The following SARDH variants were observed in gnomAD, a reference collection of about 807,000 sequenced individuals.
SARDH encodes sarcosine dehydrogenase.
A neutral mutation model predicts 109.1 loss-of-function variants in SARDH; 95 were observed. The observed-to-expected ratio is 0.87, with a 90% CI of 0.74 to 1.03. SARDH has a LOEUF of 1.03. Ranked by LOEUF, SARDH falls within the 50% of genes least tolerant of loss-of-function variation. The pLI is 0.00. For missense variants in SARDH, 1,267 were observed against 1,287.8 expected, an observed-to-expected ratio of 0.98 and a Z score of 0.25; for synonymous variants, 572 against 534.8, an observed-to-expected ratio of 1.07 and a Z score of -0.96.
intron 17 of SARDH, among the ~76,000 whole-genome samples, chr9:133,683,080 C>T: frequency 6.6e-6 from 1 of 152,198 alleles, no homozygotes; most frequent in East Asian, 1.9e-4. Context: ...GGGATGTCAT[C>T]CCGGAAGCAG....
Position 133,732,458 on chromosome 9 carries a change from G to A in SARDH, c.475C>T (p.Arg159Trp), listed in dbSNP as rs568846324. Residue 159 changes from arginine (R) to tryptophan (W), a missense_variant, in exon 3 of 21, where the codon CGG becomes TGG. Coordinates refer to ENST00000439388, the MANE Select transcript of SARDH (RefSeq NM_001134707.2). ...QNGGLFIASNRQRLDEYKRLM... is the reference protein window; with the variant it reads ...QNGGLFIASNWQRLDEYKRLM... Reference sequence around the variant, plus strand: ...CTCTTGTACTCGTCCAGGCGCTGCCGGTTGGACGCGATGAAGAGGCCCCCA... The same window carrying A: ...CTCTTGTACTCGTCCAGGCGCTGCCAGTTGGACGCGATGAAGAGGCCCCCA... 27 of 1,552,252 alleles carry A rather than the reference G, an allele frequency of 1.7e-5. No homozygotes were observed. In the Middle Eastern group the frequency reaches 7.0e-4, roughly 40 times the overall value.
chr9:133,738,746 G>C (rs192303890), upstream of SARDH, among the ~76,000 whole-genome samples: 27 of 152,352 alleles, frequency 1.8e-4, no homozygotes. Flanking sequence ...CTGCAGGGAG[G>C]CTCCTTTGGT....
At chr9:133,663,205 A>G (rs1248507925), downstream of SARDH, among the ~76,000 whole-genome samples, 1 of 152,186 alleles carries the variant, frequency 6.6e-6, no homozygotes, top group African/African-American at 2.4e-5. Context: ...AGGAGCTGGC[A>G]CTTCTGTGTG....
At chr9:133,703,539 C>T (rs780174554) in intron 12 of SARDH, 9 of 158,320 alleles carry the variant, frequency 5.7e-5, no homozygotes, top group Non-Finnish European at 1.3e-4. Flanking sequence ...CAGGCAGGTG[C>T]GTGGGCTCCA....
Position 133,730,198 on chromosome 9 carries a change from G to A in SARDH, c.691-11C>T. 2 of 1,614,028 alleles carry A rather than the reference G, an allele frequency of 1.2e-6. No individual in the cohort carries two copies. The highest frequency in any genetic ancestry group is 1.7e-6 in the Non-Finnish European group (2 of 1,179,988). On this transcript the variant is annotated splice_polypyrimidine_tract_variant and intron_variant, in intron 4 of 20. Coordinates refer to ENST00000439388, the MANE Select transcript of SARDH (RefSeq NM_001134707.2). ...GCAGTTCTCAATGACCTGGAATTGA[G>A]AGGAACTGCTTCTAAAATCCCACGG...
chr9:133,687,964 G>A (rs1310225315), intron 16 of SARDH, among the ~76,000 whole-genome samples: 1 of 152,132 alleles, frequency 6.6e-6, no homozygotes, highest in Non-Finnish European at 1.5e-5. Context: ...CCACCGCCTG[G>A]AGCAGCTTAT....
chr9:133,729,440 C>T (rs1026337558), intron 6 of SARDH, among the ~76,000 whole-genome samples: 5 of 152,160 alleles, frequency 3.3e-5, no homozygotes, highest in African/African-American at 1.2e-4. Flanking sequence ...TTCCCCGAAA[C>T]TCCTGGGCAC....
chr9:133,694,501 C>A (rs1831215562), intron 14 of SARDH, 130 bp from the exon 15 acceptor site: 1 of 783,444 alleles, frequency 1.3e-6, no homozygotes, highest in African/African-American at 1.7e-5. Flanking sequence ...AGACAGGATG[C>A]CCTACTGGGA....
chr9:133,664,178 C>A (rs908415533), intron 20 of SARDH, among the ~76,000 whole-genome samples, 164 bp from the exon 21 acceptor site: 1 of 152,228 alleles, frequency 6.6e-6, no homozygotes, highest in Non-Finnish European at 1.5e-5. Context: ...TGCCCCAGAG[C>A]AGGTGCAGTT....
At chr9:133,678,642 G>C (rs1269375064) in intron 17 of SARDH, among the ~76,000 whole-genome samples, 1 of 152,152 alleles carries the variant, frequency 6.6e-6, no homozygotes, top group Non-Finnish European at 1.5e-5. Flanking sequence ...GAGAGGCCAA[G>C]GGGGAGCTGC....
chr9:133,687,920 C>G (rs756406290), intron 16 of SARDH, among the ~76,000 whole-genome samples: 1 of 152,224 alleles, frequency 6.6e-6, no homozygotes, highest in African/African-American at 2.4e-5. Context: ...CAGGAGGCAG[C>G]GAGCTCCTCT....
chr9:133,739,889 A>G (rs1833001029), upstream of SARDH: 1 of 152,340 alleles, frequency 6.6e-6, no homozygotes, highest in Non-Finnish European at 1.5e-5. Context: ...CAGTCACCAC[A>G]GCTCCAGGGC....
intron 13 of SARDH, among the ~76,000 whole-genome samples, chr9:133,701,407 T>G (rs535427694): frequency 6.6e-6 from 1 of 152,362 alleles, no homozygotes; most frequent in African/African-American, 2.4e-5. Context: ...GCTGTACCTT[T>G]GCTGATGCCA....
intron 10 of SARDH, among the ~76,000 whole-genome samples, chr9:133,710,525 G>A (rs1016652754): frequency 1.3e-5 from 2 of 152,248 alleles, no homozygotes; most frequent in Non-Finnish European, 2.9e-5. Flanking sequence ...GATGAAGGAC[G>A]ACCCACGCGT....
rs769022349 is a variant in SARDH, at chr9:133,734,187, C to A, written c.-14G>T. ...CAGTGAGGCCATGGGGGCTCCAGGC[C>A]TCAGCGAAACAGGGAGCTGGGGAGA... On this transcript the variant is annotated 5_prime_UTR_variant, in exon 2 of 21. In the 5' UTR this introduces an upstream ATG that the reference lacks. Transcript: ENST00000439388. 3 of 1,550,898 alleles carry A rather than the reference C, an allele frequency of 1.9e-6. No individual in the cohort carries two copies. Among genetic ancestry groups the A allele is most frequent in the South Asian group, 2.4e-5 (2 of 84,300 alleles).
Position 133,712,446 on chromosome 9 carries a change from A to G in SARDH, c.1328+173T>C, listed in dbSNP as rs1000132090. 6.7e-6 allele frequency among the ~76,000 whole-genome samples: 1 copy of G among 149,712 alleles called. No homozygotes were observed. Among genetic ancestry groups the G allele is most frequent in the Admixed American group, 6.6e-5 (1 of 15,086 alleles). The stretch of plus-strand genomic sequence containing the variant: ...AGGGGCGTGGACCTGCCCCCCAGCC[A>G]CCCCCTCAGCACTGCCCACCTTCTG... On this transcript the variant is annotated intron_variant, in intron 10 of 20. Coordinates refer to ENST00000439388, the MANE Select transcript of SARDH (RefSeq NM_001134707.2). The surrounding 1 kb of genome is among the most constrained non-coding windows in gnomAD (Gnocchi z 4.1).
At chr9:133,677,258 T>A (rs1830547693) in intron 17 of SARDH, among the ~76,000 whole-genome samples, 1 of 151,888 alleles carries the variant, frequency 6.6e-6, no homozygotes, top group South Asian at 2.1e-4. Context: ...AACATAACTG[T>A]CAGCCTGGAA....
In SARDH at chr9:133,732,578, T is replaced by A; in HGVS notation, c.355A>T (p.Ser119Cys). 2 of 1,610,078 alleles carry A rather than the reference T, an allele frequency of 1.2e-6. No homozygotes were observed. Among genetic ancestry groups the A allele is most frequent in the Non-Finnish European group, 1.7e-6 (2 of 1,178,128 alleles). ...TAGLLWQLRP[S>C]DVEVELLAHT... ...GCCAGAAGCTCCACCTCCACGTCAC[T>A]GGGCCGCAGCTGCCACAGCAGGCCT... is the stretch of plus-strand genomic sequence containing the variant. The change falls in exon 3 of 21, where the codon AGT becomes TGT. Residue 119 changes from serine to cysteine, a missense_variant. By Grantham distance (112) the Ser-to-Cys change is moderately radical. Transcript: ENST00000439388.
chr9:133,708,723 T>C (rs1462838146), intron 10 of SARDH, among the ~76,000 whole-genome samples: 1 of 152,134 alleles, frequency 6.6e-6, no homozygotes, highest in African/African-American at 2.4e-5. Flanking sequence ...TCTCCACACA[T>C]TGCTGTCTGC....
Sources: allele counts gnomAD v4.1 joint callset (sites outside exome capture counted in the v4.1 genomes callset), GRCh38; gene constraint gnomAD v4.1.1; non-coding constraint Gnocchi (gnomAD v3.1); transcripts MANE v1.5; gene names NCBI Gene and HGNC (gene_info 2026-07-23, HGNC 2026-07-21).